Variants in FLNB observed in about 807,000 individuals in gnomAD.
FLNB encodes the protein filamin B, also known as filamin-B.
FLNB carries 111 observed loss-of-function variants against 250.6 expected under a neutral mutation model. The observed-to-expected ratio is 0.44, with a 90% CI of 0.38 to 0.52. The LOEUF (loss-of-function observed/expected upper bound fraction) is 0.52. Among genes scored for constraint, FLNB ranks in the 20% least tolerant of loss-of-function variants. The pLI is 0.00. For missense variants in FLNB, 2,869 were observed against 3,447.8 expected, an observed-to-expected ratio of 0.83 and a Z score of 4.20; for synonymous variants, 1,302 against 1,372.1, an observed-to-expected ratio of 0.95 and a Z score of 1.13.
intron 33 of FLNB, 109 bp from the exon 34 acceptor site, chr3:58,146,711 A>G (rs1279125242): frequency 6.1e-6 from 7 of 1,147,440 alleles, no homozygotes; most frequent in Non-Finnish European, 9.1e-6. Flanking sequence ...GAGTGCGTCA[A>G]TCCATTGTCC....
chr3:58,141,759 T>A, intron 29 of FLNB, 99 bp from the exon 30 acceptor site: 1 of 1,145,054 alleles, frequency 8.7e-7, no homozygotes, highest in East Asian at 2.3e-5. Flanking sequence ...TCACTGCAGT[T>A]CAAGATGGAG....
intron 1 of FLNB, among the ~76,000 whole-genome samples, chr3:58,049,768 A>G (rs574806897): frequency 1.4e-4 from 22 of 152,292 alleles, no homozygotes; most frequent in Non-Finnish European, 2.9e-4. Flanking sequence ...GGAGCTGCAA[A>G]GGGGGTGTCA....
intron 1 of FLNB, among the ~76,000 whole-genome samples, chr3:58,056,913 A>C (rs2097171482): frequency 6.6e-6 from 1 of 152,122 alleles, no homozygotes; most frequent in Admixed American, 6.6e-5. Flanking sequence ...TTAACAATTG[A>C]CTGTAATTTC....
At chr3:58,036,081 A>G (rs955199019) in intron 1 of FLNB, among the ~76,000 whole-genome samples, 10 of 152,188 alleles carry the variant, frequency 6.6e-5, no homozygotes, top group Non-Finnish European at 1.0e-4. Context: ...ATGGCTGTAA[A>G]TGCTGCTGAT....
chr3:58,155,030 T>C, intron 40 of FLNB, 102 bp downstream of exon 40: 3 of 1,180,806 alleles, frequency 2.5e-6, no homozygotes, highest in Non-Finnish European at 2.5e-6. Context: ...ATGAGGAATC[T>C]ATGTGTATGG....
chr3:58,018,152 T>G (rs1248698243), intron 1 of FLNB, among the ~76,000 whole-genome samples: 1 of 152,030 alleles, frequency 6.6e-6, no homozygotes, highest in African/African-American at 2.4e-5. Context: ...TCTATCTTAC[T>G]TATACTACTT....
rs777140253 is a variant in FLNB, at chr3:58,153,560, G to A, written c.6553G>A (p.Val2185Met). ...HVTGSPFQFT[V>M]GPLGEGGAHK... is the part of the protein sequence containing the mutation. ...CACCGGCAGCCCCTTCCAGTTCACC[G>A]TGGGGCCACTTGGTGAAGGAGGCGC... Residue 2185 changes from valine to methionine, a missense_variant, in exon 39 of 46, where the codon GTG becomes ATG. This residue lies in a region of FLNB where 1,084 missense variants were observed against 1,315.5 expected (regional missense o/e 0.82). Transcript: ENST00000295956. The A allele has an allele frequency of 1.9e-6, 3 of 1,614,118 alleles. No individual in the cohort carries two copies. The highest frequency in any genetic ancestry group is 2.5e-6 in the Non-Finnish European group (3 of 1,180,042).
Position 58,159,627 on chromosome 3 carries a change from C to G in FLNB, c.6962C>G (p.Ala2321Gly), listed in dbSNP as rs753139052. Residue 2321 changes from alanine (A) to glycine (G), a missense_variant, in exon 42 of 46, where the codon GCA (alanine) becomes GGA (glycine). Ala to Gly is a moderately conservative substitution (Grantham distance 60, BLOSUM62 0). Around this residue, in one of 5 missense-constraint regions of FLNB, gnomAD observed 1,084 missense variants for 1,315.5 expected, o/e 0.82. Transcript: ENST00000295956. ...RLNGAKGKID[A>G]KVHSPSGAVE... is the part of the protein sequence containing the mutation. The stretch of plus-strand genomic sequence containing the variant: ...AATGGCGCAAAAGGCAAGATTGATG[C>G]AAAGGTGCACAGCCCCTCTGGAGCC... The G allele has an allele frequency of 2.5e-6, 4 of 1,613,926 alleles. No homozygotes were observed. In the South Asian group the frequency reaches 3.3e-5, roughly 13 times the overall value.
rs906647732 is a variant in FLNB, at chr3:58,130,976, C to T, written c.4390+68C>T. The T allele has an allele frequency of 5.3e-5, 78 of 1,473,828 alleles. No homozygotes were observed. In the Middle Eastern group the frequency reaches 9.5e-4, roughly 18 times the overall value. 91.3% of individuals were successfully genotyped at this position (1,473,828 alleles called of 1,614,324 possible). On this transcript the variant is annotated intron_variant, in intron 25 of 45. Coordinates refer to ENST00000295956, the MANE Select transcript of FLNB (RefSeq NM_001457.4). ...AGGCAGGGGCAGCTGTAACCCAGAG[C>T]AGATGCTTTGCTTTTGAGTTTGCTC...
chr3:58,052,227 G>A (rs1350414897), intron 1 of FLNB, among the ~76,000 whole-genome samples: 1 of 152,118 alleles, frequency 6.6e-6, no homozygotes, highest in East Asian at 1.9e-4. Flanking sequence ...AATACAATTC[G>A]GATTGATTGT....
At chr3:58,134,566 G>A (rs746669496) in intron 26 of FLNB, 50 bp from the exon 27 acceptor site, 1 of 1,608,668 alleles carries the variant, frequency 6.2e-7, no homozygotes, top group Non-Finnish European at 8.5e-7. Context: ...ATGCAGCTGG[G>A]TTGACATGTA....
At chr3:58,088,476 A>G (rs1487715606) in intron 4 of FLNB, among the ~76,000 whole-genome samples, 1 of 152,170 alleles carries the variant, frequency 6.6e-6, no homozygotes, top group East Asian at 1.9e-4. Flanking sequence ...TGGGCTATAC[A>G]TAAGGAAAAC....
At chr3:58,044,330 G>C (rs571172622) in intron 1 of FLNB, among the ~76,000 whole-genome samples, 1 of 152,124 alleles carries the variant, frequency 6.6e-6, no homozygotes, top group Non-Finnish European at 1.5e-5. Flanking sequence ...CAGGTGCCGT[G>C]TCATGCCTCT....
intron 1 of FLNB, among the ~76,000 whole-genome samples, chr3:58,041,114 G>C (rs988695434): frequency 6.6e-6 from 1 of 152,168 alleles, no homozygotes; most frequent in African/African-American, 2.4e-5. Context: ...CGGTCACCTA[G>C]CTGGCAAGCA....
In FLNB at chr3:58,153,515, A is replaced by G. The variant is rs900284459; in HGVS notation, c.6508A>G (p.Lys2170Glu). Reference sequence around the variant, plus strand: ...GATGGGCGTGCACACGGTCAGCGTCAAGTACCGTGGGCAGCACGTCACCGG... The same window carrying G: ...GATGGGCGTGCACACGGTCAGCGTCGAGTACCGTGGGCAGCACGTCACCGG... ...QEMGVHTVSV[K>E]YRGQHVTGSP... is the part of the protein sequence containing the mutation. Residue 2170 changes from lysine to glutamate, a missense_variant, in exon 39 of 46, where the codon AAG becomes GAG. Physicochemically the swap from Lys to Glu is moderately conservative, Grantham distance 56. Around this residue, in one of 5 missense-constraint regions of FLNB, gnomAD observed 1,084 missense variants for 1,315.5 expected, o/e 0.82. Transcript: ENST00000295956. 6.2e-7 allele frequency: 1 copy of G among 1,614,074 alleles called. No homozygotes were observed. The highest frequency in any genetic ancestry group is 1.7e-5 in the Admixed American group (1 of 60,014).
chr3:58,028,965 C>G (rs1473133590), intron 1 of FLNB, among the ~76,000 whole-genome samples: 1 of 151,820 alleles, frequency 6.6e-6, no homozygotes, highest in East Asian at 1.9e-4. Flanking sequence ...GCCTGTAATC[C>G]TAGCTACTTG....
At position 58,134,600 on chromosome 3, in the gene FLNB, G is replaced by A; in HGVS notation, c.4515-16G>A. 2 of 1,613,302 alleles carry A rather than the reference G, an allele frequency of 1.2e-6. No individual in the cohort carries two copies. The highest frequency in any genetic ancestry group is 8.5e-7 in the Non-Finnish European group (1 of 1,179,298). ...TATCTTTATTGACTAGGGTGTGTGT[G>A]TGTGTGTCTATCAAGTCCCTTCAAG... On this transcript the variant is annotated splice_polypyrimidine_tract_variant and intron_variant, in intron 26 of 45. Transcript: ENST00000295956.
chr3:58,117,884 C>G (rs2097281535), intron 18 of FLNB, among the ~76,000 whole-genome samples: 1 of 151,648 alleles, frequency 6.6e-6, no homozygotes, highest in Non-Finnish European at 1.5e-5. Context: ...CCTTTTAACA[C>G]TTGATCAGCA....
Position 58,153,629 on chromosome 3 carries a change from G to T in FLNB, c.6622G>T (p.Ala2208Ser). The T allele has an allele frequency of 1.2e-6, 2 of 1,614,120 alleles. No individual in the cohort carries two copies. Among genetic ancestry groups the T allele is most frequent in the Non-Finnish European group, 1.7e-6 (2 of 1,180,018 alleles). Residue 2208 changes from alanine (A) to serine (S), a missense_variant, in exon 39 of 46, where the codon GCG (alanine) becomes TCG (serine). Ala to Ser is a moderately conservative substitution (Grantham distance 99). Coordinates refer to ENST00000295956, the MANE Select transcript of FLNB (RefSeq NM_001457.4). Reference protein sequence around the residue: ...AGGPGLERGEAGVPAEFSIWT... With the variant: ...AGGPGLERGESGVPAEFSIWT... Reference sequence around the variant, plus strand: ...AGGCCCTGGCCTGGAGAGAGGAGAAGCGGGAGTCCCAGGTGAGCATTGCGG... The same window carrying T: ...AGGCCCTGGCCTGGAGAGAGGAGAATCGGGAGTCCCAGGTGAGCATTGCGG...
Sources: allele counts gnomAD v4.1 joint callset (sites outside exome capture counted in the v4.1 genomes callset), GRCh38; gene constraint gnomAD v4.1.1; regional missense constraint gnomAD v4.1.1; transcripts MANE v1.5; gene names NCBI Gene and HGNC (gene_info 2026-07-23, HGNC 2026-07-21).